The following RNASEL variants were observed in gnomAD, a reference collection of about 807,000 sequenced individuals.
RNASEL encodes ribonuclease L.
RNASEL carries 36 observed loss-of-function variants against 50.9 expected under a neutral mutation model. The ratio of observed to expected loss-of-function variants is 0.71; its 90% CI spans 0.54 to 0.93. The LOEUF is 0.93. Ranked by LOEUF, RNASEL falls within the 40% of genes least tolerant of loss-of-function variation. RNASEL has a pLI of 0.00. For missense variants in RNASEL, 860 were observed against 894.5 expected (o/e 0.96, Z 0.49); for synonymous variants, 335 against 335.6 (o/e 1.00, Z 0.02).
At position 182,584,180 on chromosome 1, in the gene RNASEL, T is replaced by G; in HGVS notation, c.1481-14A>C. On this transcript the variant is annotated splice_polypyrimidine_tract_variant and intron_variant, in intron 2 of 6. Coordinates refer to ENST00000367559, the MANE Select transcript of RNASEL (RefSeq NM_021133.4). Reference sequence around the variant, plus strand: ...CTTTCTTAGAATCTAAGGAAAAGTTTGCAGAGGCACATTGAAAATACTCAT... The same window carrying G: ...CTTTCTTAGAATCTAAGGAAAAGTTGGCAGAGGCACATTGAAAATACTCAT... 1 of 1,579,740 alleles carries G rather than the reference T, an allele frequency of 6.3e-7. No homozygotes were observed. The highest frequency in any genetic ancestry group is 8.7e-7 in the Non-Finnish European group (1 of 1,148,614).
intron 5 of RNASEL, 108 bp downstream of exon 5, chr1:182,581,117 G>C (rs187223005): frequency 6.5e-7 from 1 of 1,542,176 alleles, no homozygotes; most frequent in East Asian, 2.2e-5. Context: ...TCACCTCTTT[G>C]AGCCTCTGGT....
chr1:182,585,128 T>C (rs933081503), intron 2 of RNASEL, among the ~76,000 whole-genome samples, 199 bp downstream of exon 2: 13 of 152,226 alleles, frequency 8.5e-5, no homozygotes, highest in African/African-American at 3.1e-4. Context: ...TCTACCAACC[T>C]TCATGTAGAC....
In RNASEL at chr1:182,573,914, T is replaced by C. The variant is rs949855693; in HGVS notation, c.*1478A>G. 4.5e-5 allele frequency: 9 copies of C among 198,986 alleles called. No individual in the cohort carries two copies. The highest frequency in any genetic ancestry group is 2.1e-4 in the African/African-American group (9 of 43,466). The allele number at this position is 198,986 out of a possible 1,614,324, so 12.3% of individuals were successfully genotyped here. A position where few individuals can be genotyped will look rare whatever the true frequency, so the allele number is the denominator to read the frequency against. ...AGCTCCATCTCAACCACCACAATGATTCATGGAAAGAACATCAGACTTAGC... is the reference window on the plus strand; with the variant it reads ...AGCTCCATCTCAACCACCACAATGACTCATGGAAAGAACATCAGACTTAGC... On this transcript the variant is annotated 3_prime_UTR_variant, in exon 7 of 7. Coordinates refer to ENST00000367559, the MANE Select transcript of RNASEL (RefSeq NM_021133.4).
In RNASEL at chr1:182,581,295, C is replaced by T. The variant is rs1308261624; in HGVS notation, c.1835G>A (p.Ser612Asn). 1.2e-6 allele frequency: 2 copies of T among 1,614,084 alleles called. No individual in the cohort carries two copies. The highest frequency in any genetic ancestry group is 1.3e-5 in the African/African-American group (1 of 75,010). ...ESDIKTRKSESEILRLLQPGP... is the reference protein window; with the variant it reads ...ESDIKTRKSENEILRLLQPGP... Reference sequence around the variant, plus strand: ...AGGTTGCAGTAGTCTGAGGATCTCACTTTCAGATTTTCGTGTTTTGATGTC... The same window carrying T: ...AGGTTGCAGTAGTCTGAGGATCTCATTTTCAGATTTTCGTGTTTTGATGTC... Residue 612 changes from serine (S) to asparagine (N), a missense_variant, in exon 5 of 7, where the codon AGT (serine) becomes AAT (asparagine). Transcript: ENST00000367559.
At chr1:182,581,182 C>G (rs779192574) in intron 5 of RNASEL, 43 bp downstream of exon 5, 43 of 1,613,786 alleles carry the variant, frequency 2.7e-5, no homozygotes, top group Non-Finnish European at 3.5e-5. Context: ...TACACAAATT[C>G]TTATTCCTGG....
Position 182,585,678 on chromosome 1 carries a change from C to T in RNASEL, c.1129G>A (p.Gly377Arg). 1 of 1,614,146 alleles carries T rather than the reference C, an allele frequency of 6.2e-7. No individual in the cohort carries two copies. The highest frequency in any genetic ancestry group is 8.5e-7 in the Non-Finnish European group (1 of 1,180,030). Residue 377 changes from glycine to arginine, a missense_variant, in exon 2 of 7, where the codon GGA becomes AGA. By Grantham distance (125) the Gly-to-Arg change is moderately radical (BLOSUM62 -2). Transcript: ENST00000367559. ...EKYKIADTSE[G>R]GIYLGFYEKQ... The stretch of plus-strand genomic sequence containing the variant: ...TCATAGAACCCCAGGTAGATGCCTC[C>T]TTCTGAAGTATCAGCAATTTTGTAT...
chr1:182,584,064 T>G lies in RNASEL; in HGVS notation c.1566+17A>C. 6.3e-7 allele frequency: 1 copy of G among 1,585,104 alleles called. No individual in the cohort carries two copies. The highest frequency in any genetic ancestry group is 1.1e-5 in the South Asian group (1 of 90,532). On this transcript the variant is annotated intron_variant, in intron 3 of 6. Transcript: ENST00000367559. ...GGAAGCAGAAAGAAGAAAGGTAAAC[T>G]GGATTGTAGAATTTACCTCTAGATC...
chr1:182,583,634 C>A (rs1349168769), intron 3 of RNASEL, among the ~76,000 whole-genome samples: 3 of 152,028 alleles, frequency 2.0e-5, no homozygotes, highest in Non-Finnish European at 4.4e-5. Context: ...AATCAGCTGC[C>A]AGCATGGCTA....
chr1:182,583,256 G>C (rs1239996889), intron 3 of RNASEL, among the ~76,000 whole-genome samples: 1 of 152,134 alleles, frequency 6.6e-6, no homozygotes, highest in Non-Finnish European at 1.5e-5. Flanking sequence ...ATACAGTAAG[G>C]GTCCACAGTG....
chr1:182,575,938 C>T (rs189963095), intron 6 of RNASEL, among the ~76,000 whole-genome samples: 20 of 152,302 alleles, frequency 1.3e-4, no homozygotes, highest in East Asian at 1.9e-4. Flanking sequence ...TATTTTTAGA[C>T]GTATATAACT....
In RNASEL at chr1:182,586,027, C is replaced by T. The variant is rs781463860; in HGVS notation, c.780G>A (p.Glu260=). Reference sequence around the variant, plus strand: ...TGTCATTAATCTCTATGTGCTCTTGCTCCAGAAGCCTCTGCACCAAACCCA... The same window carrying T: ...TGTCATTAATCTCTATGTGCTCTTGTTCCAGAAGCCTCTGCACCAAACCCA... ...KHLGLVQRLL[E]QEHIEINDTD... Residue 260 remains glutamate (E), a synonymous_variant, in exon 2 of 7, where the codon GAG becomes GAA. Coordinates refer to ENST00000367559, the MANE Select transcript of RNASEL (RefSeq NM_021133.4). 6.2e-7 allele frequency: 1 copy of T among 1,614,030 alleles called. No homozygotes were observed. Among genetic ancestry groups the T allele is most frequent in the Non-Finnish European group, 8.5e-7 (1 of 1,180,026 alleles).
At chr1:182,576,609 G>A in intron 5 of RNASEL, among the ~76,000 whole-genome samples, 1 of 152,132 alleles carries the variant, frequency 6.6e-6, no homozygotes. Flanking sequence ...GCTCACATCT[G>A]TAGTCCCAGC....
At chr1:182,576,193 A>G in intron 6 of RNASEL, 63 bp downstream of exon 6, 1 of 1,532,524 alleles carries the variant, frequency 6.5e-7, no homozygotes. Context: ...ATAAACTTAG[A>G]ATTGGATTTT....
intron 5 of RNASEL, among the ~76,000 whole-genome samples, chr1:182,580,181 C>G (rs1365715447): frequency 6.6e-6 from 1 of 152,172 alleles, no homozygotes; most frequent in Non-Finnish European, 1.5e-5. Context: ...AAAATTTTAG[C>G]CAAAGTTTGA....
In RNASEL at chr1:182,575,395, G is replaced by C; in HGVS notation, c.2223C>G (p.Cys741Trp). The change falls in exon 7 of 7, where the codon TGC becomes TGG. Residue 741 changes from cysteine (C) to tryptophan (W), a missense_variant. By Grantham distance (215) the Cys-to-Trp change is radical. Transcript: ENST00000367559. ...TGAACTCCAGCAAATCAGTCCATCA[G>C]CACCCAGGGCTGGCCAACCCACTGG... ...GGASGLASPG[C>W] 6.2e-7 allele frequency: 1 copy of C among 1,613,998 alleles called. No individual in the cohort carries two copies. The highest frequency in any genetic ancestry group is 1.1e-5 in the South Asian group (1 of 91,070).
At position 182,579,378 on chromosome 1, in the gene RNASEL, G is replaced by A. The variant is rs58903488; in HGVS notation, c.1905+1847C>T. The A allele has an allele frequency of 2.6e-5, 26 of 990,446 alleles. No homozygotes were observed. In the East Asian group the frequency reaches 4.5e-4, roughly 17 times the overall value. The allele number at this position is 990,446 out of a possible 1,614,324, so 61.4% of individuals were successfully genotyped here. On this transcript the variant is annotated intron_variant, in intron 5 of 6. Transcript: ENST00000367559. ...CATATTTAGAAAGAGTTTGGGCTAC[G>A]AGATCAAGATGCAACAGTCAAGAAT...
In RNASEL at chr1:182,575,462, G is replaced by A. The variant is rs777087568; in HGVS notation, c.2156C>T (p.Thr719Ile). ...NTEYRKHFPQ[T>I]HSPNKPQCDG... ...ACACTGAGGCTTGTTTGGACTGTGG[G>A]TTTGGGGGAAATGCTTTCTATATTC... The change falls in exon 7 of 7, where the codon ACC becomes ATC. Residue 719 changes from threonine to isoleucine, a missense_variant. Transcript: ENST00000367559. 3 of 1,614,110 alleles carry A rather than the reference G, an allele frequency of 1.9e-6. No individual in the cohort carries two copies. The highest frequency in any genetic ancestry group is 2.7e-5 in the African/African-American group (2 of 74,930).
chr1:182,578,282 C>CAAT (rs1426216311), intron 5 of RNASEL: 1 of 151,994 alleles, frequency 6.6e-6, no homozygotes, highest in Non-Finnish European at 1.5e-5. Flanking sequence ...AACAACTTAA[C>CAAT]AATAAAAAAT....
intron 5 of RNASEL, chr1:182,579,211 CT>C: frequency 1.0e-6 from 1 of 979,790 alleles, no homozygotes; most frequent in South Asian, 4.7e-5. Flanking sequence ...TACTAGTACC[CT>C]CTAAAATTTA....
Sources: gnomAD v4.1 joint callset for allele counts (sites outside exome capture counted in the v4.1 genomes callset) on GRCh38, gnomAD v4.1.1 for gene constraint, MANE v1.5 for transcripts, NCBI Gene and HGNC (gene_info 2026-07-23, HGNC 2026-07-21) for gene names.